POLR1D: variants seen among roughly 807,000 people sequenced by gnomAD.
POLR1D encodes the protein RNA polymerase I and III subunit D.
A neutral mutation model predicts 10.8 loss-of-function variants in POLR1D; 8 were observed. The observed-to-expected ratio is 0.74, with a 90% CI of 0.43 to 1.33. The LOEUF (loss-of-function observed/expected upper bound fraction) is 1.33, where lower values mean the gene tolerates loss of function less well. Ranked by LOEUF, POLR1D falls within the 40% of genes most tolerant of loss-of-function variation. POLR1D has a pLI of 0.01. For synonymous variants in POLR1D, 54 were observed against 57.2 expected (o/e 0.94, Z 0.25); for missense variants, 152 against 161.7 (o/e 0.94, Z 0.32).
chr13:27,630,147 G>T (rs1024695080), intron 1 of POLR1D, among the ~76,000 whole-genome samples: 3 of 152,016 alleles, frequency 2.0e-5, no homozygotes, highest in Non-Finnish European at 4.4e-5. Flanking sequence ...TCCTGACCTC[G>T]TGATCCGCCC....
At chr13:27,651,080 G>A (rs1956265296) in intron 2 of POLR1D, 1 of 152,158 alleles carries the variant, frequency 6.6e-6, no homozygotes, top group African/African-American at 2.4e-5. Context: ...ACAGAAAGAT[G>A]CAAGAAGAGC....
At chr13:27,648,676 G>A (rs1365209101) in intron 2 of POLR1D, among the ~76,000 whole-genome samples, 1 of 152,212 alleles carries the variant, frequency 6.6e-6, no homozygotes, top group Non-Finnish European at 1.5e-5. Flanking sequence ...ACGCAGTATA[G>A]GTTCATTGTC....
chr13:27,664,956 A>G (rs1956400666), intron 2 of POLR1D: 1 of 152,212 alleles, frequency 6.6e-6, no homozygotes, highest in Non-Finnish European at 1.5e-5. Flanking sequence ...TTAACACCTG[A>G]AAAAGATAAT....
downstream of POLR1D, among the ~76,000 whole-genome samples, chr13:27,627,893 A>G (rs979441489): frequency 7.7e-6 from 1 of 129,390 alleles, no homozygotes; most frequent in Non-Finnish European, 1.7e-5. Context: ...CAAAAAAAAA[A>G]TGCTTAAACA....
intron 1 of POLR1D, among the ~76,000 whole-genome samples, chr13:27,645,408 T>C (rs1956210262): frequency 6.6e-6 from 1 of 152,204 alleles, no homozygotes; most frequent in South Asian, 2.1e-4. Flanking sequence ...GTTTGCTTTG[T>C]TCCTCTTCCT....
chr13:27,623,609 G>A (rs1281624793), downstream of POLR1D, among the ~76,000 whole-genome samples: 1 of 152,148 alleles, frequency 6.6e-6, no homozygotes, highest in Non-Finnish European at 1.5e-5. Context: ...CATGTCTGTA[G>A]TTGGAGTGGT....
exon 3 of POLR1D, chr13:27,665,967 G>A (rs1956413593): frequency 1.9e-6 from 3 of 1,612,856 alleles, no homozygotes; most frequent in South Asian, 1.1e-5. Flanking sequence ...TGGAACCAGG[G>A]CCAGCCAGCC....
chr13:27,630,241 G>T (rs1956060289), intron 1 of POLR1D, among the ~76,000 whole-genome samples: 2 of 152,060 alleles, frequency 1.3e-5, no homozygotes, highest in Non-Finnish European at 1.5e-5. Flanking sequence ...TGTTCATTAT[G>T]CAAGGCACTT....
intron 2 of POLR1D, chr13:27,651,403 A>G (rs894867095): frequency 2.8e-4 from 42 of 152,314 alleles, no homozygotes; most frequent in African/African-American, 9.9e-4. Context: ...TTATTCAACA[A>G]TTGAGGGTAT....
intron 1 of POLR1D, chr13:27,622,468 T>C (rs1434834892): frequency 1.0e-5 from 3 of 289,432 alleles, no homozygotes; most frequent in African/African-American, 6.6e-5. Context: ...TAGTTGGGCC[T>C]GCACATTGAT....
chr13:27,666,173 T>C, exon 3 of POLR1D: 1 of 570,572 alleles, frequency 1.8e-6, no homozygotes, highest in Non-Finnish European at 3.1e-6. Context: ...TTTAAGCTAC[T>C]TCTGCAGTGT....
intron 1 of POLR1D, among the ~76,000 whole-genome samples, chr13:27,641,998 C>A (rs1956178243): frequency 6.6e-6 from 1 of 152,156 alleles, no homozygotes; most frequent in South Asian, 2.1e-4. Flanking sequence ...AGGCCAGTGG[C>A]CCCACTGTGA....
intron 2 of POLR1D, chr13:27,665,488 C>T (rs1187277077): frequency 1.6e-6 from 1 of 607,936 alleles, no homozygotes; most frequent in Non-Finnish European, 2.9e-6. Context: ...CCAGTCTTGT[C>T]TCAAGAATTC....
At chr13:27,648,340 G>A in intron 1 of POLR1D, 6 of 1,256,930 alleles carry the variant, frequency 4.8e-6, no homozygotes, top group Non-Finnish European at 5.8e-6. Context: ...GAACTTAGTA[G>A]GGTGACTGCC....
At position 27,658,169 on chromosome 13, in the gene POLR1D, TG is replaced by T. The variant is rs576639078; in HGVS notation, c.102-7516del. Among the ~76,000 whole-genome samples, 669 of 152,326 alleles carry T rather than the reference TG, an allele frequency of 4.4e-3. 1 individual carries two copies. Among genetic ancestry groups the T allele is most frequent in the Non-Finnish European group, 7.1e-3 (486 of 68,030 alleles). On this transcript the variant is annotated intron_variant, in intron 2 of 2. Coordinates refer to the POLR1D transcript ENST00000399697. ...ACTATCAGTGATTATGAACTTGGGGTGTGGCCTGGGCTTTGGAGTTTTAAAG... is the reference window on the plus strand; with the variant it reads ...ACTATCAGTGATTATGAACTTGGGGTTGGCCTGGGCTTTGGAGTTTTAAAG...
chr13:27,646,672 A>G (rs1420446809), intron 1 of POLR1D, among the ~76,000 whole-genome samples: 2 of 152,248 alleles, frequency 1.3e-5, no homozygotes, highest in African/African-American at 4.8e-5. Context: ...AAAATGAGTT[A>G]CACAAAAATA....
chr13:27,655,949 G>A (rs1956304961), intron 2 of POLR1D, among the ~76,000 whole-genome samples: 1 of 152,142 alleles, frequency 6.6e-6, no homozygotes, highest in Non-Finnish European at 1.5e-5. Flanking sequence ...GTTCATACTA[G>A]TGGAGAAAGG....
chr13:27,624,159 C>A (rs1227182151), downstream of POLR1D, among the ~76,000 whole-genome samples: 2 of 152,206 alleles, frequency 1.3e-5, no homozygotes, highest in Non-Finnish European at 2.9e-5. Flanking sequence ...GCCAGTCTTA[C>A]TCCTGCCGTA....
At chr13:27,650,311 A>T (rs11841409) in intron 2 of POLR1D, 1 of 365,384 alleles carries the variant, frequency 2.7e-6, no homozygotes, top group Non-Finnish European at 4.9e-6. Flanking sequence ...TTGCCAAGCA[A>T]GGAAGCTCAC....
Sources: allele counts gnomAD v4.1 joint callset (sites outside exome capture counted in the v4.1 genomes callset), GRCh38; gene constraint gnomAD v4.1.1; transcripts MANE v1.5; gene names NCBI Gene and HGNC (gene_info 2026-07-23, HGNC 2026-07-21).